RALA: variants seen among roughly 807,000 people sequenced by gnomAD.
RALA encodes the protein RAS like proto-oncogene A.
In RALA, 5 loss-of-function variants were observed where a neutral mutation model predicts 24.0. The ratio of observed to expected loss-of-function variants is 0.21; its 90% CI spans 0.11 to 0.44. The LOEUF (loss-of-function observed/expected upper bound fraction) is 0.44, where lower values mean the gene tolerates loss of function less well. Ranked by LOEUF, RALA falls within the 20% of genes least tolerant of loss-of-function variation. The pLI is 0.99. For synonymous variants in RALA, 77 were observed against 83.8 expected, an observed-to-expected ratio of 0.92 and a Z score of 0.44; for missense variants, 95 against 241.2, an observed-to-expected ratio of 0.39 and a Z score of 4.01.
intron 1 of RALA, among the ~76,000 whole-genome samples, chr7:39,665,727 A>G (rs575806796): frequency 6.6e-6 from 1 of 151,250 alleles, no homozygotes; most frequent in East Asian, 1.9e-4. Flanking sequence ...TTTCTGTGCC[A>G]CCCGTGAGAA....
chr7:39,699,794 G>A (rs1466522440), intron 4 of RALA, among the ~76,000 whole-genome samples: 2 of 152,304 alleles, frequency 1.3e-5, no homozygotes, highest in East Asian at 3.9e-4. Context: ...TTAAGCCACA[G>A]TTTATGCTTT....
intron 1 of RALA, among the ~76,000 whole-genome samples, chr7:39,683,002 T>G (rs1380733170): frequency 1.3e-5 from 2 of 152,006 alleles, no homozygotes; most frequent in African/African-American, 4.8e-5. Flanking sequence ...TGGGAAGTAA[T>G]TAGGATTAGA....
chr7:39,695,419 T>G (rs1049390014), intron 3 of RALA, among the ~76,000 whole-genome samples: 22 of 145,912 alleles, frequency 1.5e-4, no homozygotes, highest in Admixed American at 8.2e-4. Context: ...TGGTTTTTGG[T>G]TTTTTTTTTT....
chr7:39,683,875 C>T (rs1371563541), intron 1 of RALA, among the ~76,000 whole-genome samples: 1 of 147,006 alleles, frequency 6.8e-6, no homozygotes, highest in Non-Finnish European at 1.5e-5. Context: ...ACACACACAA[C>T]TCTTAGAGTA....
At chr7:39,626,965 AG>A (rs1469642119) in intron 1 of RALA, among the ~76,000 whole-genome samples, 2 of 143,544 alleles carry the variant, frequency 1.4e-5, no homozygotes, top group Admixed American at 1.4e-4. Context: ...GTAAGGGTTT[AG>A]CTGCTATTCA....
chr7:39,664,384 T>C (rs1360105716), intron 1 of RALA, among the ~76,000 whole-genome samples: 1 of 152,214 alleles, frequency 6.6e-6, no homozygotes, highest in African/African-American at 2.4e-5. Context: ...AGTCAGAAAG[T>C]ACCTTGCCAG....
At chr7:39,692,368 A>G (rs767419706) in intron 3 of RALA, among the ~76,000 whole-genome samples, 7 of 152,166 alleles carry the variant, frequency 4.6e-5, no homozygotes, top group African/African-American at 2.4e-5. Context: ...CATATAATCT[A>G]TAGTAAGTAC....
chr7:39,682,984 T>C (rs1792633563), intron 1 of RALA, among the ~76,000 whole-genome samples: 1 of 152,080 alleles, frequency 6.6e-6, no homozygotes, highest in African/African-American at 2.4e-5. Context: ...TGATTGGCAG[T>C]GGGGCTTTGG....
chr7:39,635,376 A>G (rs182153907), intron 1 of RALA, among the ~76,000 whole-genome samples: 1 of 152,284 alleles, frequency 6.6e-6, no homozygotes, highest in Non-Finnish European at 1.5e-5. Context: ...CCTGTCTCGA[A>G]AAAGAAAAAG....
chr7:39,635,732 G>A lies in RALA; in HGVS notation c.-38+11907G>A, dbSNP rs537120468. Among the ~76,000 whole-genome samples the A allele has an allele frequency of 3.3e-5, 5 of 152,314 alleles. No homozygotes were observed. In the South Asian group the frequency reaches 1.0e-3, roughly 32 times the overall value. ...ACAAACTAGATTGCTCAGGTGCACA[G>A]TTCACAATAAGGTTTGTACTCCTAT... On this transcript the variant is annotated intron_variant, in intron 1 of 4. Coordinates refer to ENST00000005257, the MANE Select transcript of RALA (RefSeq NM_005402.4).
chr7:39,673,381 CTT>C (rs1583736439), intron 1 of RALA, among the ~76,000 whole-genome samples: 1 of 151,974 alleles, frequency 6.6e-6, no homozygotes, highest in Non-Finnish European at 1.5e-5. Context: ...AAAATACACT[CTT>C]TATGTCTCAA....
chr7:39,641,251 A>G lies in RALA; in HGVS notation c.-38+17426A>G, dbSNP rs1791811085. Reference sequence around the variant, plus strand: ...AACCAAAAGTAATGAATAGAAGGTTAATACCTGGACTATTTTTGAAAACTC... The same window carrying G: ...AACCAAAAGTAATGAATAGAAGGTTGATACCTGGACTATTTTTGAAAACTC... On this transcript the variant is annotated intron_variant, in intron 1 of 4. Coordinates refer to ENST00000005257, the MANE Select transcript of RALA (RefSeq NM_005402.4). Among the ~76,000 whole-genome samples the G allele has an allele frequency of 2.0e-5, 3 of 152,202 alleles. No individual in the cohort carries two copies. In the South Asian group the frequency reaches 6.2e-4, roughly 32 times the overall value.
intron 2 of RALA, among the ~76,000 whole-genome samples, chr7:39,688,579 A>ATTTTTTTTTTTTTTTTTTTTTT (rs34265657): frequency 7.0e-6 from 1 of 142,770 alleles, no homozygotes. Context: ...CACATGCCTA[A>ATTTTTTTTTTTTTTTTTTTTTT]TTTTTTTTTT....
chr7:39,674,054 T>A (rs201600205), intron 1 of RALA, among the ~76,000 whole-genome samples: 56 of 105,618 alleles, frequency 5.3e-4, no homozygotes, highest in African/African-American at 1.2e-3. Context: ...AATAAATAAA[T>A]AAATAAATAA....
chr7:39,665,518 A>G (rs889426294), intron 1 of RALA, among the ~76,000 whole-genome samples: 3 of 152,056 alleles, frequency 2.0e-5, no homozygotes, highest in Non-Finnish European at 4.4e-5. Flanking sequence ...CAGTACCCCA[A>G]TCCCTGTGTT....
At chr7:39,701,696 C>T (rs969742037) in intron 4 of RALA, among the ~76,000 whole-genome samples, 3 of 152,138 alleles carry the variant, frequency 2.0e-5, no homozygotes, top group Admixed American at 1.3e-4. Flanking sequence ...TTGGCTCATG[C>T]GTTATCCTCA....
intron 1 of RALA, among the ~76,000 whole-genome samples, chr7:39,632,829 T>C (rs1264920255): frequency 6.6e-6 from 1 of 151,954 alleles, no homozygotes; most frequent in Non-Finnish European, 1.5e-5. Flanking sequence ...TTTTAAAAAA[T>C]TAAATTTTAA....
At chr7:39,661,268 C>T (rs1189691882) in intron 1 of RALA, among the ~76,000 whole-genome samples, 1 of 152,200 alleles carries the variant, frequency 6.6e-6, no homozygotes, top group Non-Finnish European at 1.5e-5. Flanking sequence ...CATTCTGCCC[C>T]TGGCCCCTCC....
At chr7:39,625,050 C>T (rs145911191) in intron 1 of RALA, among the ~76,000 whole-genome samples, 1 of 152,268 alleles carries the variant, frequency 6.6e-6, no homozygotes, top group East Asian at 1.9e-4. Context: ...GGGCAGGAGC[C>T]ATGTCCTACT....
Sources: gnomAD v4.1 joint callset for allele counts (sites outside exome capture counted in the v4.1 genomes callset) on GRCh38, gnomAD v4.1.1 for gene constraint, MANE v1.5 for transcripts, NCBI Gene and HGNC (gene_info 2026-07-23, HGNC 2026-07-21) for gene names.